Variants in PUDP observed in about 807,000 individuals in gnomAD.
PUDP encodes pseudouridine-5'-phosphatase.
A neutral mutation model predicts 9.4 loss-of-function variants in PUDP; 8 were observed. That is an observed-to-expected ratio of 0.85 (90% confidence interval 0.50 to 1.53). The LOEUF (loss-of-function observed/expected upper bound fraction) is 1.53, where lower values mean the gene tolerates loss of function less well. Ranked by LOEUF, PUDP falls within the 40% of genes most tolerant of loss-of-function variation. The pLI, the probability that PUDP is intolerant of heterozygous loss-of-function variation, is 0.00. For missense variants in PUDP, 188 were observed against 189.7 expected (o/e 0.99, Z 0.05); for synonymous variants, 99 against 80.7 (o/e 1.23, Z -1.22).
chrX:7,064,967 G>A (rs1930507303), intron 3 of PUDP, among the ~76,000 whole-genome samples: 1 of 111,144 alleles, frequency 9.0e-6, no homozygotes, highest in Non-Finnish European at 1.9e-5. Context: ...GCTGAATTCT[G>A]GTGTAGTAAA....
rs749492920 is a variant in PUDP, at chrX:7,077,240, G to T, written c.490C>A (p.Pro164Thr). ...IFLACAKRFS[P>T]PPAMEKCLVF... is the part of the protein sequence containing the mutation. ...CTTACCTTCTCCATAGCAGGAGGGGGAGAGAACCTCTTGGCACAAGCTAGG... is the reference window on the plus strand; with the variant it reads ...CTTACCTTCTCCATAGCAGGAGGGGTAGAGAACCTCTTGGCACAAGCTAGG... The change falls in exon 3 of 4, where the codon CCC becomes ACC. Residue 164 changes from proline to threonine, a missense_variant. Transcript: ENST00000381077. 3 of 1,196,645 alleles carry T rather than the reference G, an allele frequency of 2.5e-6. No individual in the cohort carries two copies. Among genetic ancestry groups the T allele is most frequent in the Non-Finnish European group, 3.4e-6 (3 of 887,876 alleles).
intron 3 of PUDP, among the ~76,000 whole-genome samples, chrX:6,869,021 T>A (rs140682161): frequency 1.9e-4 from 21 of 112,112 alleles, no homozygotes; most frequent in Non-Finnish European, 3.8e-4. Flanking sequence ...GGTGCTCTGT[T>A]CAGGTTCATG....
At chrX:6,903,814 G>A (rs906811337) in intron 3 of PUDP, among the ~76,000 whole-genome samples, 6 of 110,304 alleles carry the variant, frequency 5.4e-5, no homozygotes, top group African/African-American at 2.0e-4. Flanking sequence ...AGGGAGGTAA[G>A]AGCTGAAAAA....
At chrX:6,754,489 C>A (rs1237606178) in intron 3 of PUDP, among the ~76,000 whole-genome samples, 1 of 109,948 alleles carries the variant, frequency 9.1e-6, no homozygotes, top group Non-Finnish European at 1.9e-5. Context: ...TTGGTGAGAT[C>A]TGCTTATATA....
chrX:7,010,372 C>T (rs1053286295), intron 1 of PUDP, among the ~76,000 whole-genome samples: 1 of 111,995 alleles, frequency 8.9e-6, no homozygotes, highest in Non-Finnish European at 1.9e-5. Context: ...TACACATTCA[C>T]TATGGACACT....
intron 3 of PUDP, among the ~76,000 whole-genome samples, chrX:6,840,241 C>T (rs747583171): frequency 8.9e-5 from 10 of 111,914 alleles, no homozygotes; most frequent in Non-Finnish European, 1.5e-4. Flanking sequence ...CGCCTTCTGC[C>T]ATGATTGTGA....
At chrX:6,751,294 C>T (rs1167382558) in intron 3 of PUDP, among the ~76,000 whole-genome samples, 1 of 111,894 alleles carries the variant, frequency 8.9e-6, no homozygotes, top group Non-Finnish European at 1.9e-5. Context: ...AAGGGAAGAT[C>T]AGATGCCAAT....
intron 1 of PUDP, among the ~76,000 whole-genome samples, chrX:7,034,708 T>G (rs1053429097): frequency 1.1e-4 from 12 of 111,781 alleles, no homozygotes; most frequent in African/African-American, 3.9e-4. Flanking sequence ...TATGCAGAAC[T>G]GCAAAATTTA....
intron 1 of PUDP, among the ~76,000 whole-genome samples, chrX:6,981,600 C>T: frequency 9.0e-6 from 1 of 111,430 alleles, no homozygotes; most frequent in Non-Finnish European, 1.9e-5. Flanking sequence ...TAAATCCCAA[C>T]CCCGATTTAA....
intron 3 of PUDP, among the ~76,000 whole-genome samples, chrX:6,871,758 A>C (rs1927178496): frequency 9.0e-6 from 1 of 111,419 alleles, no homozygotes; most frequent in Non-Finnish European, 1.9e-5. Context: ...ACAAACCAGG[A>C]TAAATTTGAT....
chrX:7,053,010 A>G (rs1930145705), intron 3 of PUDP, among the ~76,000 whole-genome samples: 1 of 112,205 alleles, frequency 8.9e-6, no homozygotes, highest in Non-Finnish European at 1.9e-5. Flanking sequence ...TTTAAAAGTT[A>G]TGACTTGATT....
intron 1 of PUDP, among the ~76,000 whole-genome samples, chrX:7,141,561 T>C (rs768259512): frequency 1.8e-5 from 2 of 113,268 alleles, no homozygotes; most frequent in South Asian, 3.6e-4. Flanking sequence ...GAACAGCTCC[T>C]TGAAGCAGCA....
chrX:6,765,582 T>C (rs113205129), intron 3 of PUDP, among the ~76,000 whole-genome samples: 162 of 112,201 alleles, frequency 1.4e-3, no homozygotes, highest in African/African-American at 5.0e-3. Context: ...TCAGATTTTC[T>C]TTCTAAAATT....
At chrX:7,127,344 G>A in intron 1 of PUDP, among the ~76,000 whole-genome samples, 1 of 112,192 alleles carries the variant, frequency 8.9e-6, no homozygotes, top group Non-Finnish European at 1.9e-5. Context: ...AACTATGTCA[G>A]TAATGTGGCC....
At chrX:6,799,544 T>C (rs745668078) in intron 3 of PUDP, among the ~76,000 whole-genome samples, 89 of 112,152 alleles carry the variant, frequency 7.9e-4, no homozygotes, top group African/African-American at 2.8e-3. Context: ...GCAAGACTAT[T>C]TATTTTTTGA....
chrX:7,003,903 G>T lies in PUDP; in HGVS notation c.205-25560C>A, dbSNP rs6530033. On this transcript the variant is annotated intron_variant and NMD_transcript_variant, in intron 1 of 3. Coordinates refer to the PUDP transcript ENST00000655425. ...TTTTATTTTTATTTTTTGAGATAGG[G>T]TCTCACTCTGTTGCCTAGGCTGGAG... 3.7e-3 allele frequency among the ~76,000 whole-genome samples: 416 copies of T among 111,288 alleles called. 8 individuals carry two copies. Among genetic ancestry groups the T allele is most frequent in the African/African-American group, 0.013 (385 of 30,553 alleles).
At chrX:6,748,525 C>T (rs1286285976) in intron 3 of PUDP, among the ~76,000 whole-genome samples, 1 of 111,096 alleles carries the variant, frequency 9.0e-6, no homozygotes, top group African/African-American at 3.3e-5. Context: ...TAAATAAATG[C>T]AAAAATCCTA....
intron 3 of PUDP, among the ~76,000 whole-genome samples, chrX:6,844,562 G>A (rs1926716186): frequency 8.9e-6 from 1 of 112,553 alleles, no homozygotes. Context: ...TAGCATTTGA[G>A]CTAAATCTTA....
At chrX:6,920,362 G>T (rs1928003622) in intron 3 of PUDP, among the ~76,000 whole-genome samples, 1 of 110,573 alleles carries the variant, frequency 9.0e-6, no homozygotes, top group Non-Finnish European at 1.9e-5. Context: ...TGATATCCTT[G>T]GTCTGAGCTT....
Sources: gnomAD v4.1 joint callset for allele counts (sites outside exome capture counted in the v4.1 genomes callset) on GRCh38, gnomAD v4.1.1 for gene constraint, MANE v1.5 for transcripts, NCBI Gene and HGNC (gene_info 2026-07-23, HGNC 2026-07-21) for gene names.